Variants in LRRFIP1 observed in about 807,000 individuals in gnomAD.
LRRFIP1 encodes the protein leucine-rich repeat flightless-interacting protein 1.
LRRFIP1 carries 62 observed loss-of-function variants against 104.4 expected under a neutral mutation model. The observed-to-expected ratio is 0.59, with a 90% CI of 0.48 to 0.73. LRRFIP1 has a LOEUF of 0.73. Among genes scored for constraint, LRRFIP1 ranks in the 30% least tolerant of loss-of-function variants. The pLI is 0.00. For missense variants in LRRFIP1, 796 were observed against 824.5 expected (o/e 0.97, Z 0.42); for synonymous variants, 300 against 299.0 (o/e 1.00, Z -0.03).
At position 237,746,829 on chromosome 2, in the gene LRRFIP1, G is replaced by A. The variant is rs1300968946; in HGVS notation, c.634-1535G>A. 4.6e-5 allele frequency among the ~76,000 whole-genome samples: 7 copies of A among 152,196 alleles called. No homozygotes were observed. In the East Asian group the frequency reaches 1.3e-3, roughly 29 times the overall value. On this transcript the variant is annotated intron_variant, in intron 11 of 23. Coordinates refer to ENST00000308482, the MANE Select transcript of LRRFIP1 (RefSeq NM_001137550.2). ...ACACATGGTCTTGGACAGGGCCTCAGGTGGGTCCTTAGCAGCTGTGGCTAA... is the reference window on the plus strand; with the variant it reads ...ACACATGGTCTTGGACAGGGCCTCAAGTGGGTCCTTAGCAGCTGTGGCTAA...
intron 19 of LRRFIP1, among the ~76,000 whole-genome samples, chr2:237,767,859 G>A (rs1036290476): frequency 6.6e-6 from 1 of 152,230 alleles, no homozygotes; most frequent in African/African-American, 2.4e-5. Context: ...GGGCCCCTAA[G>A]GGAAAGGGAG....
intron 1 of LRRFIP1, among the ~76,000 whole-genome samples, chr2:237,638,282 A>C (rs1032918753): frequency 6.6e-6 from 1 of 152,180 alleles, no homozygotes; most frequent in Non-Finnish European, 1.5e-5. Flanking sequence ...CACAACCTAG[A>C]TCCCTCATAT....
chr2:237,643,917 TTC>T (rs1472292753), intron 1 of LRRFIP1, among the ~76,000 whole-genome samples: 1 of 152,220 alleles, frequency 6.6e-6, no homozygotes, highest in Admixed American at 6.5e-5. Flanking sequence ...CTCAGAAATG[TTC>T]TTTTTGATTC....
At chr2:237,729,147 G>A (rs770563091) in intron 8 of LRRFIP1, among the ~76,000 whole-genome samples, 9 of 152,148 alleles carry the variant, frequency 5.9e-5, no homozygotes, top group Admixed American at 4.6e-4. Context: ...GGCTGGTCTC[G>A]AACTCCTGAC....
intron 1 of LRRFIP1, among the ~76,000 whole-genome samples, chr2:237,698,238 G>A (rs2093318304): frequency 6.6e-6 from 1 of 152,204 alleles, no homozygotes; most frequent in Non-Finnish European, 1.5e-5. Flanking sequence ...CCTCTGGCAT[G>A]AACCCAAAGA....
At chr2:237,771,302 CA>C (rs61685773) in intron 20 of LRRFIP1, among the ~76,000 whole-genome samples, 3,499 of 109,732 alleles carry the variant, frequency 0.032, 39 homozygotes, top group African/African-American at 0.05. Context: ...TGAAATATTC[CA>C]AAAAAAAAAA....
chr2:237,659,629 AT>A (rs2087478468), intron 1 of LRRFIP1, among the ~76,000 whole-genome samples: 3 of 148,248 alleles, frequency 2.0e-5, no homozygotes, highest in African/African-American at 7.3e-5. Context: ...TATATTATAT[AT>A]TTTTATATAC....
intron 1 of LRRFIP1, among the ~76,000 whole-genome samples, chr2:237,634,968 T>C (rs2082882586): frequency 2.0e-5 from 3 of 152,236 alleles, no homozygotes; most frequent in Admixed American, 2.0e-4. Flanking sequence ...GGTCTGGATG[T>C]TCTCCTCAGG....
intron 19 of LRRFIP1, chr2:237,764,092 A>T (rs2060116992): frequency 6.2e-7 from 1 of 1,614,114 alleles, no homozygotes; most frequent in Admixed American, 1.7e-5. Context: ...AAGATACCAG[A>T]GGAGGGAATG....
At chr2:237,743,133 C>T (rs763101126) in intron 11 of LRRFIP1, among the ~76,000 whole-genome samples, 3 of 152,070 alleles carry the variant, frequency 2.0e-5, no homozygotes, top group Non-Finnish European at 4.4e-5. Context: ...GCTCCCAGGC[C>T]GGGGACTTCG....
At chr2:237,668,421 GA>G (rs199633643) in intron 1 of LRRFIP1, among the ~76,000 whole-genome samples, 2,126 of 152,280 alleles carry the variant, frequency 0.014, 15 homozygotes, top group Middle Eastern at 0.027. Flanking sequence ...AAAGGAGAAA[GA>G]AAACACAACC....
chr2:237,656,375 A>G lies in LRRFIP1; in HGVS notation c.96+28635A>G, dbSNP rs1331349961. Among the ~76,000 whole-genome samples, 8 of 152,370 alleles carry G rather than the reference A, an allele frequency of 5.3e-5. No individual in the cohort carries two copies. In the East Asian group the frequency reaches 1.5e-3, roughly 29 times the overall value. On this transcript the variant is annotated intron_variant, in intron 1 of 23. Coordinates refer to ENST00000308482, the MANE Select transcript of LRRFIP1 (RefSeq NM_001137550.2). ...AAAGATATTTGAGTATTTTCAATAT[A>G]TCCAAATCATATGTATGCATTTGTT... is the stretch of plus-strand genomic sequence containing the variant.
Position 237,692,617 on chromosome 2 carries a change from C to T in LRRFIP1, c.97-15927C>T, listed in dbSNP as rs1047242802. 16 of 1,350,328 alleles carry T rather than the reference C, an allele frequency of 1.2e-5. No individual in the cohort carries two copies. The African/African-American group carries it at 2.3e-4, about 19-fold the overall frequency. 83.6% of individuals were successfully genotyped at this position (1,350,328 alleles called of 1,614,324 possible). On this transcript the variant is annotated intron_variant, in intron 1 of 23. Coordinates refer to ENST00000308482, the MANE Select transcript of LRRFIP1 (RefSeq NM_001137550.2). ...CGAGGTCAATGGCAGGCGCAGGTGC[C>T]CGGGAGGCGTGGGGTGGGCTCTGGC...
At chr2:237,648,947 A>G (rs941592280) in intron 1 of LRRFIP1, among the ~76,000 whole-genome samples, 3 of 151,902 alleles carry the variant, frequency 2.0e-5, no homozygotes, top group Non-Finnish European at 4.4e-5. Flanking sequence ...GTGATATTGC[A>G]ATGCATGTGT....
chr2:237,636,707 A>T (rs537598091), intron 1 of LRRFIP1, among the ~76,000 whole-genome samples: 7 of 152,336 alleles, frequency 4.6e-5, no homozygotes, highest in African/African-American at 1.4e-4. Flanking sequence ...GGCACTAAAC[A>T]TGGTGACTAC....
chr2:237,685,352 T>A (rs1180357746), intron 1 of LRRFIP1, among the ~76,000 whole-genome samples: 3 of 152,158 alleles, frequency 2.0e-5, no homozygotes, highest in Non-Finnish European at 4.4e-5. Context: ...TAAAATACAT[T>A]AGAAATTATT....
intron 1 of LRRFIP1, among the ~76,000 whole-genome samples, chr2:237,667,932 A>G (rs2089719091): frequency 6.6e-6 from 1 of 151,838 alleles, no homozygotes; most frequent in Non-Finnish European, 1.5e-5. Flanking sequence ...TCCTATGCCA[A>G]TTTACAGTAC....
chr2:237,632,124 G>T (rs2082433661), intron 1 of LRRFIP1, among the ~76,000 whole-genome samples: 1 of 150,936 alleles, frequency 6.6e-6, no homozygotes, highest in South Asian at 2.1e-4. Context: ...CGGAGAAGGG[G>T]TCGCACTGCC....
At chr2:237,643,778 A>T (rs920013300) in intron 1 of LRRFIP1, among the ~76,000 whole-genome samples, 3 of 151,788 alleles carry the variant, frequency 2.0e-5, no homozygotes, top group Non-Finnish European at 2.9e-5. Flanking sequence ...ACTTAGCTTG[A>T]CTTCACATAA....
Sources: allele counts gnomAD v4.1 joint callset (sites outside exome capture counted in the v4.1 genomes callset), GRCh38; gene constraint gnomAD v4.1.1; transcripts MANE v1.5; gene names NCBI Gene and HGNC (gene_info 2026-07-23, HGNC 2026-07-21).